Variants in PLEKHH3 observed in about 807,000 individuals in gnomAD.
PLEKHH3 encodes pleckstrin homology domain-containing family H member 3.
Under a neutral mutation model 77.8 loss-of-function variants are expected in PLEKHH3, and 57 were observed. That is an observed-to-expected ratio of 0.73 (90% CI 0.59 to 0.91). PLEKHH3 has a LOEUF of 0.91. Ranked by LOEUF, PLEKHH3 falls within the 40% of genes least tolerant of loss-of-function variation. The probability of loss-of-function intolerance (pLI) is 0.00; values close to 1 mark genes in which losing one functional copy is unlikely to be tolerated. For synonymous variants in PLEKHH3, 467 were observed against 504.8 expected (o/e 0.93, Z 1.00); for missense variants, 1,082 against 1,091.2 (o/e 0.99, Z 0.12).
In PLEKHH3 at chr17:42,673,926, G is replaced by T; in HGVS notation, c.298+8C>A. 9 of 1,613,062 alleles carry T rather than the reference G, an allele frequency of 5.6e-6. No individual in the cohort carries two copies. Among genetic ancestry groups the T allele is most frequent in the Non-Finnish European group, 6.8e-6 (8 of 1,179,796 alleles). ...GGGCCTCCAGAGTGCACTGAGGGGG[G>T]TCTCTACCTTTCACAACGATGTCCG... On this transcript the variant is annotated splice_region_variant and intron_variant, in intron 3 of 12. Coordinates refer to ENST00000591022, the MANE Select transcript of PLEKHH3 (RefSeq NM_024927.5).
chr17:42,676,838 T>TAGTGTCCGTTGG lies in PLEKHH3; in HGVS notation c.-287_-276dup, dbSNP rs2143620134. 9.8e-6 allele frequency: 5 copies of TAGTGTCCGTTGG among 508,924 alleles called. No homozygotes were observed. In the South Asian group the frequency reaches 1.1e-4, roughly 11 times the overall value. 31.5% of individuals were successfully genotyped at this position (508,924 alleles called of 1,614,324 possible). A position where few individuals can be genotyped will look rare whatever the true frequency, so the allele number is the denominator to read the frequency against. On this transcript the variant is annotated 5_prime_UTR_variant, in exon 1 of 13. Coordinates refer to ENST00000591022, the MANE Select transcript of PLEKHH3 (RefSeq NM_024927.5). The surrounding 1 kb of genome is among the most constrained non-coding windows in gnomAD (Gnocchi z 6.6). Reference sequence around the variant, plus strand: ...GGGAGCAATGTCCGGAGCTGGGAAGTAGTGTCCGTTGGAGTGTCCAGCCCT... The same window carrying TAGTGTCCGTTGG: ...GGGAGCAATGTCCGGAGCTGGGAAGTAGTGTCCGTTGGAGTGTCCGTTGGAGTGTCCAGCCCT...
intron 1 of PLEKHH3, chr17:42,675,911 T>A: frequency 9.9e-6 from 10 of 1,012,452 alleles, no homozygotes; most frequent in Non-Finnish European, 1.2e-5. Context: ...CTCCCTCTCC[T>A]TGGGGTCCCC....
chr17:42,676,388 C>A lies in PLEKHH3; in HGVS notation c.162+14G>T, dbSNP rs564626444. 5 of 1,612,388 alleles carry A rather than the reference C, an allele frequency of 3.1e-6. No individual in the cohort carries two copies. The South Asian group carries it at 3.3e-5, about 11-fold the overall frequency. On this transcript the variant is annotated intron_variant, in intron 1 of 12. Coordinates refer to ENST00000591022, the MANE Select transcript of PLEKHH3 (RefSeq NM_024927.5). The surrounding 1 kb of genome is among the most constrained non-coding windows in gnomAD (Gnocchi z 6.6). The stretch of plus-strand genomic sequence containing the variant: ...AGAGTGATTGAGACGAGGCTCCGAA[C>A]CCCCGGGACTTACCCTCCCGCCGCC...
Position 42,668,252 on chromosome 17 carries a change from C to G in PLEKHH3, c.2257G>C (p.Glu753Gln). 2 of 1,556,472 alleles carry G rather than the reference C, an allele frequency of 1.3e-6. No homozygotes were observed. The highest frequency in any genetic ancestry group is 1.7e-6 in the Non-Finnish European group (2 of 1,158,354). Residue 753 changes from glutamate to glutamine, a missense_variant, in exon 13 of 13, where the codon GAG (glutamate) becomes CAG (glutamine). Physicochemically the swap from Glu to Gln is conservative, Grantham distance 29. Coordinates refer to ENST00000591022, the MANE Select transcript of PLEKHH3 (RefSeq NM_024927.5). ...GGAGAAGAGCTGCTGCAGGGCCTCTCGGGGGAGGGGTTGGCCAAGTAGGCA... is the reference window on the plus strand; with the variant it reads ...GGAGAAGAGCTGCTGCAGGGCCTCTGGGGGGAGGGGTTGGCCAAGTAGGCA... ...VNAYLANPSP[E>Q]RPCSSSSPPC...
chr17:42,674,243 C>T, intron 2 of PLEKHH3, 111 bp downstream of exon 2: 1 of 1,326,740 alleles, frequency 7.5e-7, no homozygotes, highest in Non-Finnish European at 1.0e-6. Context: ...ACCACAGCGT[C>T]CGGCATAGGG....
Position 42,673,535 on chromosome 17 carries a change from G to C in PLEKHH3, c.512C>G (p.Ser171Cys). The stretch of plus-strand genomic sequence containing the variant: ...GAGGCGGACACTGTGTTTCCGACCA[G>C]ACACAGTCACTGACCACAGACCTGG... ...KETGLWSVTVSGRKHSVRLCS... is the reference protein window; with the variant it reads ...KETGLWSVTVCGRKHSVRLCS... The change falls in exon 5 of 13, where the codon TCT (serine) becomes TGT (cysteine). Residue 171 changes from serine to cysteine, a missense_variant. Ser to Cys is a moderately radical substitution (Grantham distance 112). Coordinates refer to ENST00000591022, the MANE Select transcript of PLEKHH3 (RefSeq NM_024927.5). The C allele has an allele frequency of 1.3e-6, 2 of 1,596,918 alleles. No homozygotes were observed. The highest frequency in any genetic ancestry group is 1.7e-6 in the Non-Finnish European group (2 of 1,173,270).
Position 42,676,674 on chromosome 17 carries a change from C to T in PLEKHH3, c.-111G>A. 1 of 1,080,528 alleles carries T rather than the reference C, an allele frequency of 9.3e-7. No individual in the cohort carries two copies. 66.9% of individuals were successfully genotyped at this position (1,080,528 alleles called of 1,614,324 possible). ...CAGGGGAAAGATGAGGTGGGAGGAG[C>T]AGAAGGGAGAAGAGGACAGGGAGGA... is the stretch of plus-strand genomic sequence containing the variant. On this transcript the variant is annotated 5_prime_UTR_variant, in exon 1 of 13. Coordinates refer to ENST00000591022, the MANE Select transcript of PLEKHH3 (RefSeq NM_024927.5). The surrounding 1 kb of genome is among the most constrained non-coding windows in gnomAD (Gnocchi z 6.6).
chr17:42,669,772 G>A, intron 11 of PLEKHH3, 146 bp downstream of exon 11: 1 of 1,493,878 alleles, frequency 6.7e-7, no homozygotes. Context: ...GGATGTGAGG[G>A]CCCAAGGGCT....
Position 42,671,173 on chromosome 17 carries a change from A to T in PLEKHH3, c.1285-43T>A, listed in dbSNP as rs368817812. ...GGGGAGACCACTCAGAGGTCTTGCC[A>T]GGATTCTGGGAGGGGTTGATTCAAT... On this transcript the variant is annotated intron_variant, in intron 8 of 12. Coordinates refer to ENST00000591022, the MANE Select transcript of PLEKHH3 (RefSeq NM_024927.5). This position sits in a 1 kb window ranked among gnomAD's most constrained non-coding sequence, Gnocchi z 4.7. 338 of 1,538,508 alleles carry T rather than the reference A, an allele frequency of 2.2e-4. No individual in the cohort carries two copies. The African/African-American group carries it at 4.2e-3, about 19-fold the overall frequency.
chr17:42,671,014 G>C lies in PLEKHH3; in HGVS notation c.1401C>G (p.Asp467Glu). ...RALAGGTLVA[D>E]VLTRFENLAA... ...TTTACTTCTCAAACCTGGTGAGCAC[G>C]TCGGCCACGAGGGTCCCCCCAGCCA... Residue 467 changes from aspartate (D) to glutamate (E), a missense_variant, in exon 9 of 13, where the codon GAC becomes GAG. Asp to Glu is a conservative substitution (Grantham distance 45, BLOSUM62 2). This residue lies in a region of PLEKHH3 where 733 missense variants were observed against 750.0 expected (regional missense o/e 0.98). Coordinates refer to ENST00000591022, the MANE Select transcript of PLEKHH3 (RefSeq NM_024927.5). This position sits in a 1 kb window ranked among gnomAD's most constrained non-coding sequence, Gnocchi z 4.7. 1.9e-6 allele frequency: 3 copies of C among 1,609,974 alleles called. No homozygotes were observed. The highest frequency in any genetic ancestry group is 2.5e-6 in the Non-Finnish European group (3 of 1,178,934).
In PLEKHH3 at chr17:42,669,970, G is replaced by A. The variant is rs556121955; in HGVS notation, c.1961C>T (p.Ala654Val). The A allele has an allele frequency of 1.4e-5, 22 of 1,612,368 alleles. 1 individual carries two copies. In the South Asian group the frequency reaches 2.2e-4, roughly 16 times the overall value. Residue 654 changes from alanine (A) to valine (V), a missense_variant, in exon 11 of 13, where the codon GCG becomes GTG. This residue lies in a region of PLEKHH3 where 733 missense variants were observed against 750.0 expected (regional missense o/e 0.98). Coordinates refer to ENST00000591022, the MANE Select transcript of PLEKHH3 (RefSeq NM_024927.5). ...AGCAGCGCCGAACCCCGGACACTGC[G>A]CCGCCAGGGCCAGGTAGGCGGCCAT... ...EAMAAYLALA[A>V]QCPGFGAARY...
At position 42,673,925 on chromosome 17, in the gene PLEKHH3, G is replaced by A. The variant is rs374484456; in HGVS notation, c.298+9C>T. ...GGGGCCTCCAGAGTGCACTGAGGGGGGTCTCTACCTTTCACAACGATGTCC... is the reference window on the plus strand; with the variant it reads ...GGGGCCTCCAGAGTGCACTGAGGGGAGTCTCTACCTTTCACAACGATGTCC... On this transcript the variant is annotated intron_variant, in intron 3 of 12. Coordinates refer to ENST00000591022, the MANE Select transcript of PLEKHH3 (RefSeq NM_024927.5). 5.6e-6 allele frequency: 9 copies of A among 1,613,060 alleles called. No homozygotes were observed. The highest frequency in any genetic ancestry group is 7.6e-6 in the Non-Finnish European group (9 of 1,179,814).
rs2052818799 is a variant in PLEKHH3, at chr17:42,676,043, G to A, written c.162+359C>T. On this transcript the variant is annotated intron_variant, in intron 1 of 12. Coordinates refer to ENST00000591022, the MANE Select transcript of PLEKHH3 (RefSeq NM_024927.5). The surrounding 1 kb of genome is among the most constrained non-coding windows in gnomAD (Gnocchi z 6.6). ...GGAGGGGGACCCAGGCGTTCGAGCC[G>A]CCCAGCCGGCCTCGCCACATTCCTC... is the stretch of plus-strand genomic sequence containing the variant. 3.6e-6 allele frequency: 4 copies of A among 1,125,292 alleles called. No homozygotes were observed. Among genetic ancestry groups the A allele is most frequent in the Non-Finnish European group, 4.4e-6 (4 of 918,240 alleles). The allele number at this position is 1,125,292 out of a possible 1,614,324, so 69.7% of individuals were successfully genotyped here.
Position 42,676,389 on chromosome 17 carries a change from C to T in PLEKHH3, c.162+13G>A. The T allele has an allele frequency of 3.7e-6, 6 of 1,612,628 alleles. No individual in the cohort carries two copies. The highest frequency in any genetic ancestry group is 5.1e-6 in the Non-Finnish European group (6 of 1,179,628). Reference sequence around the variant, plus strand: ...GAGTGATTGAGACGAGGCTCCGAACCCCCGGGACTTACCCTCCCGCCGCCC... The same window carrying T: ...GAGTGATTGAGACGAGGCTCCGAACTCCCGGGACTTACCCTCCCGCCGCCC... On this transcript the variant is annotated intron_variant, in intron 1 of 12. Transcript: ENST00000591022. This position sits in a 1 kb window ranked among gnomAD's most constrained non-coding sequence, Gnocchi z 6.6.
In PLEKHH3 at chr17:42,669,920, T is replaced by C. The variant is rs1278016486; in HGVS notation, c.2011A>G (p.Thr671Ala). 1 of 1,613,472 alleles carries C rather than the reference T, an allele frequency of 6.2e-7. No homozygotes were observed. The highest frequency in any genetic ancestry group is 1.3e-5 in the African/African-American group (1 of 74,912). Residue 671 changes from threonine (T) to alanine (A), a missense_variant and splice_region_variant, in exon 11 of 13, where the codon ACG becomes GCG. Around this residue, in one of 3 missense-constraint regions of PLEKHH3, gnomAD observed 733 missense variants for 750.0 expected, o/e 0.98. Transcript: ENST00000591022. The stretch of plus-strand genomic sequence containing the variant: ...CCCTTCTCCCTTCTCCCCCTCACCG[T>C]GCTCAGCTCCAGAACGTCATACCGA... ...AARYDVLELSTEPGRGAPQKL... is the reference protein window; with the variant it reads ...AARYDVLELSAEPGRGAPQKL...
Position 42,670,090 on chromosome 17 carries a change from C to G in PLEKHH3, c.1841G>C (p.Gly614Ala). The change falls in exon 11 of 13, where the codon GGA (glycine) becomes GCA (alanine). Residue 614 changes from glycine to alanine, a missense_variant. Physicochemically the swap from Gly to Ala is moderately conservative, Grantham distance 60 (BLOSUM62 0). Transcript: ENST00000591022. ...GCCTCCTCCCTCGCGGGCAATGCTT[C>G]CCGCAGTGCGGCCGGCCCCGCCGCG... ...ARRGGAGRTAGSIAREGGGGA... is the reference protein window; with the variant it reads ...ARRGGAGRTAASIAREGGGGA... 1.5e-6 allele frequency: 2 copies of G among 1,379,202 alleles called. No homozygotes were observed. The highest frequency in any genetic ancestry group is 1.9e-6 in the Non-Finnish European group (2 of 1,075,348). The allele number at this position is 1,379,202 out of a possible 1,614,324, so 85.4% of individuals were successfully genotyped here. A position where few individuals can be genotyped will look rare whatever the true frequency, so the allele number is the denominator to read the frequency against.
In PLEKHH3 at chr17:42,672,270, G is replaced by T; in HGVS notation, c.892C>A (p.Pro298Thr). 1.3e-6 allele frequency: 2 copies of T among 1,550,654 alleles called. No individual in the cohort carries two copies. The highest frequency in any genetic ancestry group is 1.7e-6 in the Non-Finnish European group (2 of 1,146,994). ...AGGAAGAGTTCATCCCGGAGCGCGGGCAAGTCCCGGCAGGTTTGGAGCACA... is the reference window on the plus strand; with the variant it reads ...AGGAAGAGTTCATCCCGGAGCGCGGTCAAGTCCCGGCAGGTTTGGAGCACA... ...QGVLQTCRDLPALRDELFLQL... is the reference protein window; with the variant it reads ...QGVLQTCRDLTALRDELFLQL... Residue 298 changes from proline to threonine, a missense_variant, in exon 7 of 13, where the codon CCC (proline) becomes ACC (threonine). Transcript: ENST00000591022.
Position 42,676,216 on chromosome 17 carries a change from C to T in PLEKHH3, c.162+186G>A. On this transcript the variant is annotated intron_variant, in intron 1 of 12. Transcript: ENST00000591022. This position sits in a 1 kb window ranked among gnomAD's most constrained non-coding sequence, Gnocchi z 6.6. ...CGCCCAGCCTGCAGCGGGAGGCCCA[C>T]AGGCACATCCCGAGTAGGGCTGCTG... is the stretch of plus-strand genomic sequence containing the variant. 7.3e-7 allele frequency: 1 copy of T among 1,379,094 alleles called. No homozygotes were observed. Among genetic ancestry groups the T allele is most frequent in the Non-Finnish European group, 9.5e-7 (1 of 1,051,858 alleles). 85.4% of individuals were successfully genotyped at this position (1,379,094 alleles called of 1,614,324 possible).
At chr17:42,672,501 G>A in intron 6 of PLEKHH3, 109 bp from the exon 7 acceptor site, 1 of 989,174 alleles carries the variant, frequency 1.0e-6, no homozygotes, top group Non-Finnish European at 1.4e-6. Flanking sequence ...AGGGGATGGG[G>A]TGGCAGGGAG....
Sources: allele counts gnomAD v4.1 joint callset, GRCh38; gene constraint gnomAD v4.1.1; regional missense constraint gnomAD v4.1.1; non-coding constraint Gnocchi (gnomAD v3.1); transcripts MANE v1.5; gene names NCBI Gene and HGNC (gene_info 2026-07-23, HGNC 2026-07-21).